Variants in POLDIP2 observed in about 807,000 individuals in gnomAD.
The protein encoded by POLDIP2 is DNA polymerase delta interacting protein 2.
A neutral mutation model predicts 52.9 loss-of-function variants in POLDIP2; 32 were observed. The observed-to-expected ratio is 0.61, with a 90% CI of 0.46 to 0.81. POLDIP2 has a LOEUF of 0.81. POLDIP2 is among the 40% of genes least tolerant of loss of function. The probability of loss-of-function intolerance (pLI) is 0.00; values close to 1 mark genes in which losing one functional copy is unlikely to be tolerated. For missense variants in POLDIP2, 371 were observed against 477.3 expected, an observed-to-expected ratio of 0.78 and a Z score of 2.07; for synonymous variants, 183 against 183.0, an observed-to-expected ratio of 1.00 and a Z score of 0.00.
At chr17:28,356,991 G>A (rs1555581041) in intron 1 of POLDIP2, among the ~76,000 whole-genome samples, 2 of 152,362 alleles carry the variant, frequency 1.3e-5, no homozygotes, top group East Asian at 3.9e-4. Context: ...GAATTAAAAA[G>A]CTTCCCTCTG....
chr17:28,347,533 C>A lies in POLDIP2; in HGVS notation c.*584G>T. On this transcript the variant is annotated 3_prime_UTR_variant, in exon 11 of 11. Transcript: ENST00000540200. ...GTCAGTGCTAAGAGCCAGGCCACTCCGACCCTGACACTGGCCTCCCTCTCT... is the reference window on the plus strand; with the variant it reads ...GTCAGTGCTAAGAGCCAGGCCACTCAGACCCTGACACTGGCCTCCCTCTCT... 6.5e-6 allele frequency: 1 copy of A among 153,204 alleles called. No homozygotes were observed. 9.5% of individuals were successfully genotyped at this position (153,204 alleles called of 1,614,324 possible).
In POLDIP2 at chr17:28,349,108, G is replaced by A. The variant is rs782015980; in HGVS notation, c.967C>T (p.Leu323=). 1 of 1,613,388 alleles carries A rather than the reference G, an allele frequency of 6.2e-7. No homozygotes were observed. The highest frequency in any genetic ancestry group is 1.3e-5 in the African/African-American group (1 of 75,044). Residue 323 remains leucine (L), a synonymous_variant, in exon 10 of 11, where the codon CTG becomes TTG. Transcript: ENST00000540200. Reference sequence around the variant, plus strand: ...CACATGTGCCCACTGGAAGCCTGCAGCGAGACGTGGCTGCTATACTGGAAC... The same window carrying A: ...CACATGTGCCCACTGGAAGCCTGCAACGAGACGTGGCTGCTATACTGGAAC... ...PAFQYSSHVS[L]QASSGHMWGT... is the part of the protein sequence containing the mutation.
intron 9 of POLDIP2, among the ~76,000 whole-genome samples, chr17:28,350,198 G>A (rs1907743415): frequency 1.3e-5 from 2 of 152,190 alleles, no homozygotes. Flanking sequence ...TTGAGGCCCT[G>A]CCACTACTAG....
At chr17:28,349,207 A>G in intron 9 of POLDIP2, 45 bp from the exon 10 acceptor site, 2 of 1,420,900 alleles carry the variant, frequency 1.4e-6, no homozygotes, top group Admixed American at 1.8e-5. Context: ...CCCCAGGGAC[A>G]TGTTTCCTGC....
intron 8 of POLDIP2, 73 bp downstream of exon 8, chr17:28,350,693 G>A: frequency 1.9e-6 from 3 of 1,554,898 alleles, no homozygotes; most frequent in Non-Finnish European, 2.6e-6. Flanking sequence ...GTCAGAAGGT[G>A]GGCTCCCCCA....
intron 6 of POLDIP2, among the ~76,000 whole-genome samples, chr17:28,352,442 T>C (rs1225790215): frequency 1.3e-5 from 2 of 151,722 alleles, no homozygotes; most frequent in Non-Finnish European, 2.9e-5. Context: ...TTCACCACAT[T>C]GGCCACGATG....
chr17:28,353,451 G>A, intron 4 of POLDIP2, 135 bp from the exon 5 acceptor site: 1 of 596,608 alleles, frequency 1.7e-6, no homozygotes, highest in Non-Finnish European at 3.1e-6. Context: ...GAACCCGGGA[G>A]GCAGAGGTTG....
In POLDIP2 at chr17:28,352,936, A is replaced by G. The variant is rs373729922; in HGVS notation, c.598T>C (p.Phe200Leu). 2.5e-6 allele frequency: 4 copies of G among 1,590,430 alleles called. No individual in the cohort carries two copies. In the African/African-American group the frequency reaches 4.0e-5, roughly 16 times the overall value. ...VPIQHELFER[F>L]LLYDQTKAPP... ...CCTTTTGTCTGGTCATACAGAAGAA[A>G]TCTTTCAAAGAGTTCATGTTGGATG... Residue 200 changes from phenylalanine (F) to leucine (L), a missense_variant, in exon 6 of 11, where the codon TTT becomes CTT. By Grantham distance (22) the Phe-to-Leu change is conservative (BLOSUM62 0). Transcript: ENST00000540200.
chr17:28,350,778 G>A lies in POLDIP2; in HGVS notation c.774C>T (p.Ser258=). ...FYMGMREAQN[S]HVYWWRYCIR... ...CAGTGACACTCACCCAGTACACGTG[G>A]GAATTCTGGGCTTCCTAGGGAGAAA... The change falls in exon 8 of 11, where the codon TCC becomes TCT. Residue 258 remains serine, a synonymous_variant. Transcript: ENST00000540200. The A allele has an allele frequency of 1.3e-6, 2 of 1,594,258 alleles. No homozygotes were observed. The highest frequency in any genetic ancestry group is 3.5e-5 in the Admixed American group (2 of 57,428).
At chr17:28,351,879 G>C in intron 6 of POLDIP2, 79 bp from the exon 7 acceptor site, 1 of 1,340,386 alleles carries the variant, frequency 7.5e-7, no homozygotes, top group Non-Finnish European at 1.1e-6. Flanking sequence ...CAATAGTCCA[G>C]TGCGATTGCC....
At chr17:28,353,611 A>G in intron 4 of POLDIP2, 84 bp downstream of exon 4, 1 of 937,176 alleles carries the variant, frequency 1.1e-6, no homozygotes, top group South Asian at 1.3e-5. Context: ...GCTCTGTTTG[A>G]CCCCCTTCCC....
In POLDIP2 at chr17:28,354,402, G is replaced by A. The variant is rs1015503548; in HGVS notation, c.341+86C>T. On this transcript the variant is annotated intron_variant, in intron 3 of 10. Transcript: ENST00000540200. ...GGATGTTTCCAAGGCCTAGGAGGACGCTGTCTTCACCCCTAGTACCCCAAT... is the reference window on the plus strand; with the variant it reads ...GGATGTTTCCAAGGCCTAGGAGGACACTGTCTTCACCCCTAGTACCCCAAT... The A allele has an allele frequency of 7.8e-5, 71 of 911,846 alleles. No homozygotes were observed. In the South Asian group the frequency reaches 8.6e-4, roughly 11 times the overall value. 56.5% of individuals were successfully genotyped at this position (911,846 alleles called of 1,614,324 possible).
chr17:28,348,293 T>C, intron 10 of POLDIP2, 62 bp from the exon 11 acceptor site: 1 of 1,087,826 alleles, frequency 9.2e-7, no homozygotes, highest in Non-Finnish European at 1.4e-6. Context: ...AGGATCTGGA[T>C]GGCCCCATGC....
At chr17:28,355,990 G>C in intron 1 of POLDIP2, 114 bp from the exon 2 acceptor site, 2 of 748,088 alleles carry the variant, frequency 2.7e-6, no homozygotes. Context: ...GCAGAGAAGG[G>C]TTTGGGGTAG....
rs75097133 is a variant in POLDIP2 at position 28,354,214 on chromosome 17, A to G, written c.341+274T>C. Among the ~76,000 whole-genome samples the G allele has an allele frequency of 5.0e-3, 760 of 152,292 alleles. 9 individuals are homozygous for G. Among genetic ancestry groups the G allele is most frequent in the African/African-American group, 0.017 (723 of 41,542 alleles). On this transcript the variant is annotated intron_variant, in intron 3 of 10. Coordinates refer to ENST00000540200, the MANE Select transcript of POLDIP2 (RefSeq NM_015584.5). Reference sequence around the variant, plus strand: ...ACTCCAGCTGAACATCAAGAAATCAAGAAGACTTGTCCCCCAAATGCCCTC... The same window carrying G: ...ACTCCAGCTGAACATCAAGAAATCAGGAAGACTTGTCCCCCAAATGCCCTC...
At chr17:28,355,759 CTA>C in intron 2 of POLDIP2, 34 bp downstream of exon 2, 2 of 1,519,092 alleles carry the variant, frequency 1.3e-6, no homozygotes, top group Non-Finnish European at 1.8e-6. Context: ...GCAGAGCACT[CTA>C]TGAAAATGAA....
chr17:28,349,074 C>G lies in POLDIP2; in HGVS notation c.992+9G>C. 2 of 1,601,468 alleles carry G rather than the reference C, an allele frequency of 1.2e-6. No individual in the cohort carries two copies. Among genetic ancestry groups the G allele is most frequent in the South Asian group, 1.1e-5 (1 of 90,500 alleles). On this transcript the variant is annotated intron_variant, in intron 10 of 10. Coordinates refer to ENST00000540200, the MANE Select transcript of POLDIP2 (RefSeq NM_015584.5). ...TGGGTGGCCCCTACTGCTGTGCACA[C>G]TCACTCACCACATGTGCCCACTGGA... is the stretch of plus-strand genomic sequence containing the variant.
Position 28,357,507 on chromosome 17 carries a change from G to C in POLDIP2, c.-59C>G, listed in dbSNP as rs1468869365. On this transcript the variant is annotated 5_prime_UTR_variant, in exon 1 of 11. Coordinates refer to ENST00000540200, the MANE Select transcript of POLDIP2 (RefSeq NM_015584.5). The stretch of plus-strand genomic sequence containing the variant: ...AGAGCCCGACCCGCGGCCGGGCGGC[G>C]TTCCGCCCCAGTCCCACACTGCCCC... 7.0e-6 allele frequency: 10 copies of C among 1,436,164 alleles called. No individual in the cohort carries two copies. The highest frequency in any genetic ancestry group is 9.0e-6 in the Non-Finnish European group (10 of 1,105,004). The allele number at this position is 1,436,164 out of a possible 1,614,324, so 89.0% of individuals were successfully genotyped here. A position where few individuals can be genotyped will look rare whatever the true frequency, so the allele number is the denominator to read the frequency against.
intron 3 of POLDIP2, 111 bp from the exon 4 acceptor site, chr17:28,353,902 G>C: frequency 1.4e-6 from 1 of 736,226 alleles, no homozygotes; most frequent in Non-Finnish European, 2.5e-6. Flanking sequence ...ATCTAAAGGG[G>C]CTTTAGCACC....
Sources: gnomAD v4.1 joint callset for allele counts (sites outside exome capture counted in the v4.1 genomes callset) on GRCh38, gnomAD v4.1.1 for gene constraint, MANE v1.5 for transcripts, NCBI Gene and HGNC (gene_info 2026-07-23, HGNC 2026-07-21) for gene names.